The following ASCC1 variants were observed in gnomAD, a reference collection of about 807,000 sequenced individuals.
ASCC1 encodes ASC-1 complex subunit P50.
In ASCC1, 35 loss-of-function variants were observed where a neutral mutation model predicts 46.6. The ratio of observed to expected loss-of-function variants is 0.75; its 90% CI spans 0.57 to 0.99. The LOEUF (loss-of-function observed/expected upper bound fraction) is 0.99, where lower values mean the gene tolerates loss of function less well. Among genes scored for constraint, ASCC1 ranks in the 50% least tolerant of loss-of-function variants. ASCC1 has a pLI of 0.00. For synonymous variants in ASCC1, 143 were observed against 146.6 expected (o/e 0.98, Z 0.18); for missense variants, 376 against 428.7 (o/e 0.88, Z 1.09).
chr10:72,211,850 C>T (rs1389643780), intron 2 of ASCC1, among the ~76,000 whole-genome samples: 2 of 151,322 alleles, frequency 1.3e-5, no homozygotes, highest in African/African-American at 4.9e-5. Context: ...GGAAAAAAGT[C>T]AGTAAAATAA....
At position 72,142,150 on chromosome 10, in the gene ASCC1, G is replaced by A. The variant is rs180695950; in HGVS notation, c.747-8969C>T. 5.0e-3 allele frequency among the ~76,000 whole-genome samples: 754 copies of A among 152,134 alleles called. 5 individuals carry two copies. Among genetic ancestry groups the A allele is most frequent in the Non-Finnish European group, 7.5e-3 (510 of 67,962 alleles). The stretch of plus-strand genomic sequence containing the variant: ...CAGTATCTATTTTTATTTTTTGAAA[G>A]TTTCTTGAAAAAATATTAAATTTTA... On this transcript the variant is annotated intron_variant, in intron 7 of 9. Coordinates refer to ENST00000672957, the MANE Select transcript of ASCC1 (RefSeq NM_001198800.3).
chr10:72,133,401 A>G (rs943287451), intron 7 of ASCC1: 10 of 541,540 alleles, frequency 1.8e-5, no homozygotes, highest in Admixed American at 5.8e-5. Context: ...TGATGGCAAT[A>G]TATTATGGTG....
chr10:72,183,120 GC>G (rs1184426332), intron 5 of ASCC1, among the ~76,000 whole-genome samples: 2 of 148,604 alleles, frequency 1.3e-5, no homozygotes, highest in Non-Finnish European at 1.5e-5. Flanking sequence ...TCAGCTCACT[GC>G]AACCTCCACC....
chr10:72,107,182 T>C (rs1589171844), intron 9 of ASCC1, among the ~76,000 whole-genome samples: 1 of 150,510 alleles, frequency 6.6e-6, no homozygotes, highest in East Asian at 1.9e-4. Flanking sequence ...AAAAATATAA[T>C]CGATTTTGAA....
intron 8 of ASCC1, among the ~76,000 whole-genome samples, chr10:72,129,488 AGT>A (rs1434424396): frequency 6.6e-6 from 1 of 152,012 alleles, no homozygotes; most frequent in African/African-American, 2.4e-5. Flanking sequence ...TGGGCAATAT[AGT>A]GAGACCTTGT....
chr10:72,114,102 T>C (rs188252661), intron 9 of ASCC1, among the ~76,000 whole-genome samples: 6 of 152,346 alleles, frequency 3.9e-5, no homozygotes, highest in Admixed American at 3.3e-4. Flanking sequence ...AGTTAATCAG[T>C]GCATACCATA....
intron 5 of ASCC1, 125 bp downstream of exon 5, chr10:72,196,686 G>C: frequency 1.0e-6 from 1 of 985,006 alleles, no homozygotes; most frequent in African/African-American, 1.7e-5. Context: ...GAAGCCAAAA[G>C]AAATAGTTAT....
intron 9 of ASCC1, among the ~76,000 whole-genome samples, chr10:72,120,007 C>T (rs918238508): frequency 6.6e-6 from 1 of 152,178 alleles, no homozygotes; most frequent in African/African-American, 2.4e-5. Context: ...GAGGCCGAGG[C>T]AGGCGGATCA....
chr10:72,186,023 T>C (rs892005022), intron 5 of ASCC1, among the ~76,000 whole-genome samples: 1 of 152,066 alleles, frequency 6.6e-6, no homozygotes, highest in Non-Finnish European at 1.5e-5. Context: ...CAATAGAGGA[T>C]TGATTAAATA....
At chr10:72,115,602 T>C (rs1167739905) in intron 9 of ASCC1, among the ~76,000 whole-genome samples, 2 of 152,102 alleles carry the variant, frequency 1.3e-5, no homozygotes, top group African/African-American at 4.8e-5. Flanking sequence ...AGAAAGCATT[T>C]GAAGGAGAAA....
At chr10:72,176,211 C>T (rs1331703162) in intron 5 of ASCC1, among the ~76,000 whole-genome samples, 6 of 152,168 alleles carry the variant, frequency 3.9e-5, no homozygotes, top group Admixed American at 2.0e-4. Flanking sequence ...TAGACAGTAT[C>T]GATAGCCTCC....
At chr10:72,186,909 A>C (rs1403446807) in intron 5 of ASCC1, among the ~76,000 whole-genome samples, 1 of 152,034 alleles carries the variant, frequency 6.6e-6, no homozygotes, top group East Asian at 1.9e-4. Flanking sequence ...CAGCCAAAAA[A>C]AAAAAAAAGG....
chr10:72,183,206 G>T (rs1852914117), intron 5 of ASCC1, among the ~76,000 whole-genome samples: 2 of 151,970 alleles, frequency 1.3e-5, no homozygotes, highest in South Asian at 4.2e-4. Flanking sequence ...ACCATACAGG[G>T]CTAATTTTTG....
intron 7 of ASCC1, among the ~76,000 whole-genome samples, chr10:72,141,122 T>C (rs925929643): frequency 2.0e-5 from 3 of 152,068 alleles, no homozygotes; most frequent in Admixed American, 6.6e-5. Flanking sequence ...TATACAGATA[T>C]ATATAGATAT....
chr10:72,160,952 G>A (rs1166531481), intron 6 of ASCC1, among the ~76,000 whole-genome samples: 9 of 151,784 alleles, frequency 5.9e-5, no homozygotes, highest in East Asian at 1.9e-4. Context: ...ACGCGGTGGC[G>A]GGCGCCTGTA....
At chr10:72,136,180 G>A (rs1217493619) in intron 7 of ASCC1, among the ~76,000 whole-genome samples, 6 of 152,206 alleles carry the variant, frequency 3.9e-5, no homozygotes, top group South Asian at 2.1e-4. Context: ...ATGCCACTGA[G>A]AGGTTAAGCC....
At chr10:72,208,859 G>A (rs1857614594) in intron 3 of ASCC1, among the ~76,000 whole-genome samples, 1 of 152,126 alleles carries the variant, frequency 6.6e-6, no homozygotes, top group Admixed American at 6.6e-5. Flanking sequence ...AGAGGTAGCA[G>A]TGAAGATACA....
intron 6 of ASCC1, among the ~76,000 whole-genome samples, chr10:72,157,227 G>A (rs1231654836): frequency 1.3e-5 from 2 of 152,148 alleles, no homozygotes; most frequent in Non-Finnish European, 2.9e-5. Flanking sequence ...TGTCATCTGA[G>A]GTATGTAGCT....
chr10:72,216,870 A>G (rs1042227671), upstream of ASCC1: 55 of 456,020 alleles, frequency 1.2e-4, no homozygotes, highest in Non-Finnish European at 2.3e-4. Flanking sequence ...TTGTTTGACA[A>G]AATTTTACTG....
Sources: gnomAD v4.1 joint callset for allele counts (sites outside exome capture counted in the v4.1 genomes callset) on GRCh38, gnomAD v4.1.1 for gene constraint, MANE v1.5 for transcripts, NCBI Gene and HGNC (gene_info 2026-07-23, HGNC 2026-07-21) for gene names.